Variants in BANF2 observed in about 807,000 individuals in gnomAD.
BANF2 encodes the protein BANF family member 2, also known as barrier-to-autointegration factor-like protein.
Under a neutral mutation model 8.0 loss-of-function variants are expected in BANF2, and 4 were observed. That is an observed-to-expected ratio of 0.50 (90% CI 0.25 to 1.14). The LOEUF is 1.14. Ranked by LOEUF, BANF2 falls within the 50% of genes most tolerant of loss-of-function variation. BANF2 has a pLI of 0.16. For missense variants in BANF2, 96 were observed against 107.5 expected, an observed-to-expected ratio of 0.89 and a Z score of 0.47; for synonymous variants, 50 against 40.6, an observed-to-expected ratio of 1.23 and a Z score of -0.88.
intron 3 of BANF2, among the ~76,000 whole-genome samples, chr20:17,732,471 C>T (rs777597922): frequency 6.6e-6 from 1 of 152,232 alleles, no homozygotes; most frequent in Non-Finnish European, 1.5e-5. Flanking sequence ...GTTCTCCTGC[C>T]TCAGCCTCCC....
At chr20:17,729,835 T>C (rs1191375490) in intron 3 of BANF2, among the ~76,000 whole-genome samples, 1 of 152,234 alleles carries the variant, frequency 6.6e-6, no homozygotes, top group East Asian at 1.9e-4. Flanking sequence ...CTCCCTAAGT[T>C]CCTTGGAGGC....
In BANF2 at chr20:17,694,599, C is replaced by CTTTT. The variant is rs1256251082; in HGVS notation, c.18+894_18+895insTTTT. On this transcript the variant is annotated intron_variant, in intron 1 of 2. Transcript: ENST00000545418. ...AGGGGGCTATTTTTGTTTTTTCTCT[C>CTTTT]TCTTTTTTTTTTTTTTTTTTTTTTT... is the stretch of plus-strand genomic sequence containing the variant. Among the ~76,000 whole-genome samples, 103 of 82,746 alleles carry CTTTT rather than the reference C, an allele frequency of 1.2e-3. 5 individuals carry two copies. Among genetic ancestry groups the CTTTT allele is most frequent in the East Asian group, 4.1e-3 (8 of 1,966 alleles). 54.3% of individuals were successfully genotyped at this position (82,746 alleles called of 152,430 possible).
intron 1 of BANF2, among the ~76,000 whole-genome samples, chr20:17,711,960 C>A (rs1426600661): frequency 5.3e-5 from 8 of 152,218 alleles, no homozygotes; most frequent in Admixed American, 4.6e-4. Context: ...GACTGCTCTG[C>A]CCCTCCTCCG....
chr20:17,722,083 C>T (rs552950124), intron 1 of BANF2, among the ~76,000 whole-genome samples: 2 of 152,312 alleles, frequency 1.3e-5, no homozygotes, highest in African/African-American at 4.8e-5. Context: ...CCCAGTTGAG[C>T]ACCACTGTTG....
chr20:17,731,853 T>C (rs1201351885), intron 3 of BANF2, among the ~76,000 whole-genome samples: 1 of 145,810 alleles, frequency 6.9e-6, no homozygotes, highest in Non-Finnish European at 1.5e-5. Flanking sequence ...GATCACGAGG[T>C]CAGGGGATCG....
intron 2 of BANF2, among the ~76,000 whole-genome samples, chr20:17,723,900 C>A (rs2037765984): frequency 6.6e-6 from 1 of 152,148 alleles, no homozygotes; most frequent in Non-Finnish European, 1.5e-5. Context: ...GAGGCTGAGG[C>A]AGGAGAATAG....
chr20:17,707,516 T>C (rs1283797813), intron 1 of BANF2, among the ~76,000 whole-genome samples: 1 of 151,972 alleles, frequency 6.6e-6, no homozygotes, highest in African/African-American at 2.4e-5. Flanking sequence ...ACAGGGAAGG[T>C]CAGAACATGT....
At chr20:17,732,682 C>T (rs1250720258) in intron 3 of BANF2, among the ~76,000 whole-genome samples, 12 of 152,126 alleles carry the variant, frequency 7.9e-5, no homozygotes, top group Non-Finnish European at 1.3e-4. Flanking sequence ...AGCTGCAGGA[C>T]GGAATGTAAT....
chr20:17,711,804 G>A (rs2037577725), intron 1 of BANF2, among the ~76,000 whole-genome samples: 1 of 152,216 alleles, frequency 6.6e-6, no homozygotes, highest in African/African-American at 2.4e-5. Flanking sequence ...TGCAACACTT[G>A]TAGCAGCTGG....
At chr20:17,721,677 C>G (rs546187675) in intron 1 of BANF2, among the ~76,000 whole-genome samples, 50 of 152,300 alleles carry the variant, frequency 3.3e-4, no homozygotes, top group Admixed American at 5.9e-4. Context: ...CAGGTGTGAG[C>G]CACCACTCCC....
intron 1 of BANF2, among the ~76,000 whole-genome samples, chr20:17,711,046 G>A (rs1188024551): frequency 6.6e-6 from 1 of 152,180 alleles, no homozygotes; most frequent in East Asian, 1.9e-4. Context: ...GAAATACTTG[G>A]GCCATACTTA....
upstream of BANF2, among the ~76,000 whole-genome samples, chr20:17,695,599 A>AGG (rs72284467): frequency 5.1e-3 from 706 of 139,130 alleles, 24 homozygotes; most frequent in East Asian, 0.099. Flanking sequence ...AGAAAAACCT[A>AGG]GGGTGTGTGT....
Position 17,726,913 on chromosome 20 carries a change from G to A in BANF2, c.126+1762G>A, listed in dbSNP as rs60216845. 4.8e-3 allele frequency among the ~76,000 whole-genome samples: 724 copies of A among 152,270 alleles called. 4 individuals carry two copies. Among genetic ancestry groups the A allele is most frequent in the African/African-American group, 0.016 (671 of 41,546 alleles). ...GACACATGCATGCAGTGATGCAGCC[G>A]CTACCATAGTCAAGACACAGAGCAA... On this transcript the variant is annotated intron_variant, in intron 3 of 3. Transcript: ENST00000246090.
At chr20:17,711,560 G>T (rs992444117) in intron 1 of BANF2, among the ~76,000 whole-genome samples, 5 of 152,156 alleles carry the variant, frequency 3.3e-5, no homozygotes, top group Non-Finnish European at 5.9e-5. Context: ...TGTGCACCAG[G>T]GGCACTCAGC....
upstream of BANF2, among the ~76,000 whole-genome samples, chr20:17,696,802 G>A (rs181406496): frequency 8.5e-5 from 13 of 152,306 alleles, no homozygotes; most frequent in East Asian, 5.8e-4. Flanking sequence ...CAGCCAAGCC[G>A]CGATTGGATC....
At chr20:17,710,106 G>A (rs955764855) in intron 1 of BANF2, among the ~76,000 whole-genome samples, 26 of 152,352 alleles carry the variant, frequency 1.7e-4, no homozygotes, top group Admixed American at 8.5e-4. Context: ...GCCACCTGAG[G>A]GGTGTGGGGC....
chr20:17,721,004 A>G (rs920619177), intron 1 of BANF2, among the ~76,000 whole-genome samples: 1 of 152,210 alleles, frequency 6.6e-6, no homozygotes, highest in Non-Finnish European at 1.5e-5. Flanking sequence ...TGGTTCGTGC[A>G]CTCACTCAAC....
intron 1 of BANF2, among the ~76,000 whole-genome samples, chr20:17,708,882 G>T (rs1025647422): frequency 2.0e-5 from 3 of 152,172 alleles, no homozygotes; most frequent in African/African-American, 4.8e-5. Flanking sequence ...TAAGGAATGC[G>T]TGTATGTTGT....
At chr20:17,715,498 C>T (rs914538274) in intron 1 of BANF2, among the ~76,000 whole-genome samples, 4 of 152,170 alleles carry the variant, frequency 2.6e-5, no homozygotes, top group African/African-American at 7.2e-5. Flanking sequence ...CAACAAGGAG[C>T]GGAGAAAGAA....
Sources: gnomAD v4.1 joint callset for allele counts (sites outside exome capture counted in the v4.1 genomes callset) on GRCh38, gnomAD v4.1.1 for gene constraint, MANE v1.5 for transcripts, NCBI Gene and HGNC (gene_info 2026-07-23, HGNC 2026-07-21) for gene names.